WASHC4: variants seen among roughly 807,000 people sequenced by gnomAD.
WASHC4 encodes the protein WASH complex subunit 4.
Under a neutral mutation model 166.6 loss-of-function variants are expected in WASHC4, and 86 were observed. The observed-to-expected ratio is 0.52, with a 90% CI of 0.43 to 0.62. WASHC4 has a LOEUF of 0.62. WASHC4 is among the 20% of genes least tolerant of loss of function. The pLI, the probability that WASHC4 is intolerant of heterozygous loss-of-function variation, is 0.00. For missense variants in WASHC4, 1,262 were observed against 1,382.4 expected (o/e 0.91, Z 1.38); for synonymous variants, 446 against 451.6 (o/e 0.99, Z 0.16).
Position 105,140,811 on chromosome 12 carries a change from A to G in WASHC4, c.1561-88A>G, listed in dbSNP as rs1882775285. 4.6e-6 allele frequency: 6 copies of G among 1,300,678 alleles called. No homozygotes were observed. The South Asian group carries it at 7.2e-5, about 16-fold the overall frequency. The allele number at this position is 1,300,678 out of a possible 1,614,324, so 80.6% of individuals were successfully genotyped here. On this transcript the variant is annotated intron_variant, in intron 16 of 32. Transcript: ENST00000332180. The stretch of plus-strand genomic sequence containing the variant: ...TATTTGTGTATGCTCTCTTAAATTG[A>G]ATCATGGAAAAGATAATCAAGAAGT...
chr12:105,156,521 TA>T (rs1884171667), intron 26 of WASHC4: 2 of 311,202 alleles, frequency 6.4e-6, no homozygotes, highest in East Asian at 1.1e-4. Flanking sequence ...TTAATATAGT[TA>T]TATATAAGTA....
chr12:105,111,143 A>G lies in WASHC4; in HGVS notation c.80A>G (p.Gln27Arg). 1 of 1,607,028 alleles carries G rather than the reference A, an allele frequency of 6.2e-7. No individual in the cohort carries two copies. The highest frequency in any genetic ancestry group is 1.1e-5 in the South Asian group (1 of 90,962). ...AACTTAGAAATTCATGCCGAAGTCC[A>G]ACTTAAGAATTATGGGAAATTTCTT... ...DGSQKIHAEV[Q>R]LKNYGKFLEE... The change falls in exon 2 of 33, where the codon CAA becomes CGA. Residue 27 changes from glutamine (Q) to arginine (R), a missense_variant. By Grantham distance (43) the Gln-to-Arg change is conservative. Coordinates refer to ENST00000332180, the MANE Select transcript of WASHC4 (RefSeq NM_015275.3).
chr12:105,140,900 A>C lies in WASHC4; in HGVS notation c.1562A>C (p.Lys521Thr). ...TAGTTTTCCTGTTTTATTTTTAAGA[A>C]AAGAGTGATTTCTGACAAAAAATAC... ...QALHSISVAK[K>T]RVISDKKYSE... The change falls in exon 17 of 33, where the codon AAA (lysine) becomes ACA (threonine). Residue 521 changes from lysine (K) to threonine (T), a missense_variant and splice_region_variant. By Grantham distance (78) the Lys-to-Thr change is moderately conservative. Coordinates refer to ENST00000332180, the MANE Select transcript of WASHC4 (RefSeq NM_015275.3). 1.2e-6 allele frequency: 2 copies of C among 1,613,794 alleles called. No homozygotes were observed. Among genetic ancestry groups the C allele is most frequent in the Non-Finnish European group, 1.7e-6 (2 of 1,179,934 alleles).
At position 105,116,849 on chromosome 12, in the gene WASHC4, C is replaced by G. The variant is rs144746203; in HGVS notation, c.435+1121C>G. 1.5e-3 allele frequency among the ~76,000 whole-genome samples: 232 copies of G among 152,206 alleles called. 1 individual carries two copies. The highest frequency in any genetic ancestry group is 4.7e-3 in the African/African-American group (196 of 41,532). On this transcript the variant is annotated intron_variant, in intron 6 of 32. Coordinates refer to ENST00000332180, the MANE Select transcript of WASHC4 (RefSeq NM_015275.3). The stretch of plus-strand genomic sequence containing the variant: ...AAGGAAACAGATACCTCCTTTACAT[C>G]CAGAGAACAAAAAGGATAAAGATTG...
rs938218449 is a variant in WASHC4 at position 105,166,399 on chromosome 12, A to G, written c.3455-465A>G. ...TATATATTACGTATAATTTATTATAATAAGTTATAAATACAAATGGAAAGT... is the reference window on the plus strand; with the variant it reads ...TATATATTACGTATAATTTATTATAGTAAGTTATAAATACAAATGGAAAGT... On this transcript the variant is annotated intron_variant, in intron 32 of 32. Transcript: ENST00000332180. Among the ~76,000 whole-genome samples, 10 of 152,298 alleles carry G rather than the reference A, an allele frequency of 6.6e-5. No individual in the cohort carries two copies. In the South Asian group the frequency reaches 1.9e-3, roughly 28 times the overall value.
intron 7 of WASHC4, among the ~76,000 whole-genome samples, chr12:105,119,548 C>T (rs1325534279): frequency 6.6e-6 from 1 of 152,036 alleles, no homozygotes; most frequent in African/African-American, 2.4e-5. Context: ...CTTATTCTCC[C>T]ATTTTCCCCC....
In WASHC4 at chr12:105,114,260, T is replaced by G. The variant is rs1175350085; in HGVS notation, c.246T>G (p.Thr82=). The part of the protein sequence containing the change: ...EQSSLLELIK[T]ENKVLNKVIT... ...CCTCTCTTTTGGAACTCATAAAGAC[T>G]GAAAACAAGGTACAGAATCCTAAAT... The change falls in exon 3 of 33, where the codon ACT becomes ACG. Residue 82 remains threonine, a synonymous_variant. Transcript: ENST00000332180. The G allele has an allele frequency of 6.2e-7, 1 of 1,610,028 alleles. No homozygotes were observed. Among genetic ancestry groups the G allele is most frequent in the Admixed American group, 1.7e-5 (1 of 59,740 alleles).
At chr12:105,126,162 A>C (rs1393250215) in intron 11 of WASHC4, 35 bp downstream of exon 11, 6 of 1,612,758 alleles carry the variant, frequency 3.7e-6, no homozygotes, top group East Asian at 4.5e-5. Flanking sequence ...TTTTGTTTAT[A>C]AAATTTGCAT....
Position 105,114,222 on chromosome 12 carries a change from C to T in WASHC4, c.208C>T (p.Pro70Ser), listed in dbSNP as rs754607888. The T allele has an allele frequency of 1.9e-6, 3 of 1,609,216 alleles. No homozygotes were observed. Among genetic ancestry groups the T allele is most frequent in the East Asian group, 4.5e-5 (2 of 44,728 alleles). Reference sequence around the variant, plus strand: ...TTTTCCTTTGTTTCTGTAGCTTTTGCCTTATGAACAGTCCTCTCTTTTGGA... The same window carrying T: ...TTTTCCTTTGTTTCTGTAGCTTTTGTCTTATGAACAGTCCTCTCTTTTGGA... ...NLDPIALKLL[P>S]YEQSSLLELI... is the part of the protein sequence containing the mutation. The change falls in exon 3 of 33, where the codon CCT (proline) becomes TCT (serine). Residue 70 changes from proline (P) to serine (S), a missense_variant. By Grantham distance (74) the Pro-to-Ser change is moderately conservative. Transcript: ENST00000332180.
intron 13 of WASHC4, among the ~76,000 whole-genome samples, chr12:105,131,810 T>C (rs1288444834): frequency 6.6e-6 from 1 of 152,222 alleles, no homozygotes; most frequent in Non-Finnish European, 1.5e-5. Context: ...AGTATGACTA[T>C]TTGTGTTTTT....
chr12:105,157,341 TATAAA>T lies in WASHC4; in HGVS notation c.2912+21_2912+25del, dbSNP rs1884233732. 7.3e-7 allele frequency: 1 copy of T among 1,362,844 alleles called. No homozygotes were observed. 84.4% of individuals were successfully genotyped at this position (1,362,844 alleles called of 1,614,324 possible). On this transcript the variant is annotated intron_variant, in intron 28 of 32. Transcript: ENST00000332180. Reference sequence around the variant, plus strand: ...CAGCAAGGTAATCTAAATTTGGAAATATAAAAAAGTGTGTTTATAAAAAACATTCT... The same window carrying T: ...CAGCAAGGTAATCTAAATTTGGAAATAAAGTGTGTTTATAAAAAACATTCT...
chr12:105,130,989 A>G (rs1438597654), intron 13 of WASHC4, among the ~76,000 whole-genome samples: 4 of 152,194 alleles, frequency 2.6e-5, no homozygotes, highest in African/African-American at 4.8e-5. Context: ...TGACAATCCA[A>G]TAGGACACTT....
intron 6 of WASHC4, among the ~76,000 whole-genome samples, chr12:105,116,712 A>G (rs1880218154): frequency 6.6e-6 from 1 of 152,226 alleles, no homozygotes; most frequent in Non-Finnish European, 1.5e-5. Context: ...AACATGTTGT[A>G]TACCTTAAAT....
chr12:105,111,223 G>A lies in WASHC4; in HGVS notation c.160G>A (p.Gly54Arg), dbSNP rs749936552. The A allele has an allele frequency of 1.9e-6, 3 of 1,609,712 alleles. No individual in the cohort carries two copies. Among genetic ancestry groups the A allele is most frequent in the Middle Eastern group, 1.7e-4 (1 of 6,050 alleles). ...TGAGGACGCTCTGGATGACTCAATT[G>A]GAGATGTTTGGGATTTCAATCTTGA... ...RIEDALDDSI[G>R]DVWDFNLDPI... Residue 54 changes from glycine (G) to arginine (R), a missense_variant, in exon 2 of 33, where the codon GGA becomes AGA. Transcript: ENST00000332180.
chr12:105,154,569 C>G (rs1884003718), intron 26 of WASHC4, among the ~76,000 whole-genome samples: 1 of 152,174 alleles, frequency 6.6e-6, no homozygotes, highest in African/African-American at 2.4e-5. Context: ...AATATTTCTT[C>G]CCTTCATTCA....
rs371013220 is a variant in WASHC4, at chr12:105,164,693, C to T, written c.3407C>T (p.Ala1136Val). 2.5e-6 allele frequency: 4 copies of T among 1,613,338 alleles called. No individual in the cohort carries two copies. In the African/African-American group the frequency reaches 5.3e-5, roughly 22 times the overall value. ...AGCAGTGCAAGAATTTTCTTCAGAGCAGACAAGACTGCGGCTGAAGAAAAC... is the reference window on the plus strand; with the variant it reads ...AGCAGTGCAAGAATTTTCTTCAGAGTAGACAAGACTGCGGCTGAAGAAAAC... The part of the protein sequence containing the change: ...SLSSARIFFR[A>V]DKTAAEENQE... Residue 1136 changes from alanine to valine, a missense_variant, in exon 32 of 33, where the codon GCA becomes GTA. Coordinates refer to ENST00000332180, the MANE Select transcript of WASHC4 (RefSeq NM_015275.3).
Position 105,127,273 on chromosome 12 carries a change from G to A in WASHC4, c.1183G>A (p.Ala395Thr), listed in dbSNP as rs1366605820. The change falls in exon 13 of 33, where the codon GCT (alanine) becomes ACT (threonine). Residue 395 changes from alanine to threonine, a missense_variant. Physicochemically the swap from Ala to Thr is moderately conservative, Grantham distance 58 (BLOSUM62 0). Coordinates refer to ENST00000332180, the MANE Select transcript of WASHC4 (RefSeq NM_015275.3). The part of the protein sequence containing the change: ...IHRDTFLQQK[A>T]QSLTKDVQSY... ...CAGGGATACTTTTCTACAACAGAAA[G>A]CTCAATCACTTACCAAGTAGGTTTT... is the stretch of plus-strand genomic sequence containing the variant. 6.2e-7 allele frequency: 1 copy of A among 1,609,400 alleles called. No individual in the cohort carries two copies. The highest frequency in any genetic ancestry group is 8.5e-7 in the Non-Finnish European group (1 of 1,176,012).
chr12:105,144,969 G>T, intron 22 of WASHC4, 97 bp downstream of exon 22: 2 of 1,201,710 alleles, frequency 1.7e-6, no homozygotes, highest in African/African-American at 1.5e-5. Context: ...GTTAGTATGT[G>T]CTTATTTTTT....
At chr12:105,150,954 T>C (rs1202282110) in intron 25 of WASHC4, among the ~76,000 whole-genome samples, 1 of 152,030 alleles carries the variant, frequency 6.6e-6, no homozygotes, top group Non-Finnish European at 1.5e-5. Flanking sequence ...GATTCAGTTA[T>C]CTCCACCTGG....
Sources: allele counts gnomAD v4.1 joint callset (sites outside exome capture counted in the v4.1 genomes callset), GRCh38; gene constraint gnomAD v4.1.1; transcripts MANE v1.5; gene names NCBI Gene and HGNC (gene_info 2026-07-23, HGNC 2026-07-21).